DROSHA: variants seen among roughly 807,000 people sequenced by gnomAD.
The protein encoded by DROSHA is drosha ribonuclease III.
In DROSHA, 56 loss-of-function variants were observed where a neutral mutation model predicts 181.9. That is an observed-to-expected ratio of 0.31 (90% CI 0.25 to 0.38). DROSHA has a LOEUF of 0.38. Among genes scored for constraint, DROSHA ranks in the 10% least tolerant of loss-of-function variants. DROSHA has a pLI of 1.00. For synonymous variants in DROSHA, 524 were observed against 591.2 expected (o/e 0.89, Z 1.65); for missense variants, 1,218 against 1,743.5 (o/e 0.70, Z 5.37).
chr5:31,520,225 T>C (rs1241912380), intron 6 of DROSHA, among the ~76,000 whole-genome samples: 3 of 145,302 alleles, frequency 2.1e-5, no homozygotes, highest in Admixed American at 2.0e-4. Flanking sequence ...TTTAAACGGT[T>C]TTAAATTTTT....
chr5:31,493,920 A>C (rs1752661712), intron 12 of DROSHA, among the ~76,000 whole-genome samples: 1 of 147,876 alleles, frequency 6.8e-6, no homozygotes, highest in Non-Finnish European at 1.5e-5. Context: ...TCCTTATGCC[A>C]TTCTTATAAC....
At chr5:31,504,433 T>TA in intron 11 of DROSHA, 122 bp downstream of exon 11, 2 of 1,092,256 alleles carry the variant, frequency 1.8e-6, no homozygotes, top group Admixed American at 4.6e-5. Flanking sequence ...AGTAAGAGAC[T>TA]ATTAGGGAAT....
At chr5:31,463,521 C>T (rs1442764720) in intron 20 of DROSHA, among the ~76,000 whole-genome samples, 2 of 152,158 alleles carry the variant, frequency 1.3e-5, no homozygotes. Flanking sequence ...ACTGCATTAC[C>T]TAACCATAGC....
At chr5:31,515,612 G>T in intron 6 of DROSHA, 48 bp from the exon 7 acceptor site, 2 of 1,547,402 alleles carry the variant, frequency 1.3e-6, no homozygotes, top group South Asian at 1.2e-5. Flanking sequence ...TCCACATATG[G>T]ACAATTTCAG....
intron 3 of DROSHA, among the ~76,000 whole-genome samples, chr5:31,529,524 A>G (rs1399323817): frequency 6.6e-6 from 1 of 152,114 alleles, no homozygotes; most frequent in East Asian, 1.9e-4. Context: ...TCACGAGGGC[A>G]GGAGGTGGAG....
rs1739114849 is a variant in DROSHA at position 31,514,954 on chromosome 5, C to G, written c.1290+34G>C. On this transcript the variant is annotated intron_variant, in intron 8 of 35. Transcript: ENST00000344624. This position sits in a 1 kb window ranked among gnomAD's most constrained non-coding sequence, Gnocchi z 4.4. ...CCAATAGTGACAACGCCGAGAAGCC[C>G]TAGTCTACAGCTTGTCTGCTACTTC... 6.3e-7 allele frequency: 1 copy of G among 1,598,922 alleles called. No homozygotes were observed. The highest frequency in any genetic ancestry group is 1.3e-5 in the African/African-American group (1 of 74,436).
At chr5:31,488,335 C>G (rs561135706) in intron 13 of DROSHA, among the ~76,000 whole-genome samples, 237 of 151,336 alleles carry the variant, frequency 1.6e-3, no homozygotes, top group Non-Finnish European at 2.9e-3. Context: ...ATCACTTGAA[C>G]CCGGGAGTTG....
intron 3 of DROSHA, among the ~76,000 whole-genome samples, chr5:31,529,645 G>A (rs535860045): frequency 6.7e-6 from 1 of 150,206 alleles, no homozygotes; most frequent in East Asian, 2.0e-4. Flanking sequence ...TGAGGCAGGA[G>A]AATGACATGA....
chr5:31,499,869 A>C (rs1753386616), intron 11 of DROSHA, among the ~76,000 whole-genome samples: 1 of 152,200 alleles, frequency 6.6e-6, no homozygotes, highest in East Asian at 1.9e-4. Context: ...AGAAAAGACT[A>C]TTAGAAACCA....
At chr5:31,463,179 A>C (rs1158885348) in intron 20 of DROSHA, among the ~76,000 whole-genome samples, 1 of 152,200 alleles carries the variant, frequency 6.6e-6, no homozygotes, top group African/African-American at 2.4e-5. Context: ...AATCGGTAAA[A>C]TAATTGTAGA....
intron 25 of DROSHA, 137 bp from the exon 26 acceptor site, chr5:31,431,815 A>T (rs1744215888): frequency 2.8e-6 from 2 of 710,330 alleles, no homozygotes; most frequent in Non-Finnish European, 4.7e-6. Context: ...TGAATATATT[A>T]AGAGAGAGTT....
At chr5:31,452,190 C>T (rs1024785096) in intron 20 of DROSHA, among the ~76,000 whole-genome samples, 4 of 152,060 alleles carry the variant, frequency 2.6e-5, no homozygotes, top group African/African-American at 9.7e-5. Flanking sequence ...TTTTGGGAAT[C>T]CAAGGAAAAT....
rs974764450 is a variant in DROSHA at position 31,409,743 on chromosome 5, CT to C, written c.3668-412del. ...TTTTCAACACCAATCCTGAGATCCC[CT>C]GTTTTTAAGGATTCTATGTTAAATT... On this transcript the variant is annotated intron_variant, in intron 31 of 35. Transcript: ENST00000344624. The surrounding 1 kb of genome is among the most constrained non-coding windows in gnomAD (Gnocchi z 4.0). Among the ~76,000 whole-genome samples the C allele has an allele frequency of 1.3e-5, 2 of 152,170 alleles. No individual in the cohort carries two copies. The highest frequency in any genetic ancestry group is 2.9e-5 in the Non-Finnish European group (2 of 68,042).
chr5:31,405,807 A>G (rs1386481909), intron 34 of DROSHA, 84 bp from the exon 35 acceptor site: 2 of 1,087,500 alleles, frequency 1.8e-6, no homozygotes, highest in Non-Finnish European at 1.2e-6. Context: ...AATGCAAGGT[A>G]TGGCTACAAA....
intron 26 of DROSHA, among the ~76,000 whole-genome samples, chr5:31,429,875 T>C (rs542923111): frequency 7.9e-5 from 12 of 152,236 alleles, no homozygotes; most frequent in African/African-American, 2.9e-4. Context: ...GTAAAGCAAA[T>C]GTTCTGTTTT....
chr5:31,463,089 C>T (rs1347306156), intron 20 of DROSHA, among the ~76,000 whole-genome samples: 6 of 152,080 alleles, frequency 3.9e-5, no homozygotes, highest in Non-Finnish European at 8.8e-5. Context: ...CCAGGTGATA[C>T]GGCTTCAAAT....
chr5:31,418,208 ATGTGTGTGTGGTGTG>A (rs1561127507), intron 30 of DROSHA, among the ~76,000 whole-genome samples: 1 of 150,008 alleles, frequency 6.7e-6, no homozygotes, highest in East Asian at 2.0e-4. Flanking sequence ...CTGTAACTCT[ATGTGTGTGTGGTGTG>A]TGTGTGTGTG....
intron 26 of DROSHA, 37 bp downstream of exon 26, chr5:31,431,539 G>T: frequency 6.3e-7 from 1 of 1,592,428 alleles, no homozygotes; most frequent in African/African-American, 1.3e-5. Context: ...GTTTAGACAT[G>T]CAAGAAAGTA....
At chr5:31,410,140 T>C (rs982394503) in intron 31 of DROSHA, among the ~76,000 whole-genome samples, 1 of 152,212 alleles carries the variant, frequency 6.6e-6, no homozygotes, top group Non-Finnish European at 1.5e-5. Context: ...TTGAATATAA[T>C]TCCCATTGTC....
Sources: gnomAD v4.1 joint callset for allele counts (sites outside exome capture counted in the v4.1 genomes callset) on GRCh38, gnomAD v4.1.1 for gene constraint, Gnocchi (gnomAD v3.1) non-coding constraint, MANE v1.5 for transcripts, NCBI Gene and HGNC (gene_info 2026-07-23, HGNC 2026-07-21) for gene names.